Variants in GNG5 observed in about 807,000 individuals in gnomAD.
GNG5 encodes guanine nucleotide-binding protein G(I)/G(S)/G(O) subunit gamma-5.
In GNG5, 2 loss-of-function variants were observed where a neutral mutation model predicts 6.2. The observed-to-expected ratio is 0.32, with a 90% CI of 0.13 to 1.01. The LOEUF (loss-of-function observed/expected upper bound fraction) is 1.01, where lower values mean the gene tolerates loss of function less well. GNG5 is among the 50% of genes least tolerant of loss of function. The probability of loss-of-function intolerance (pLI) is 0.48; values close to 1 mark genes in which losing one functional copy is unlikely to be tolerated. For synonymous variants in GNG5, 24 were observed against 33.0 expected (o/e 0.73, Z 0.93); for missense variants, 57 against 80.2 (o/e 0.71, Z 1.10).
rs776848479 is a variant in GNG5, at chr1:84,501,989, G to A, written c.82-19C>T. 1.2e-5 allele frequency: 19 copies of A among 1,600,558 alleles called. No individual in the cohort carries two copies. The highest frequency in any genetic ancestry group is 1.5e-5 in the Non-Finnish European group (18 of 1,169,116). Reference sequence around the variant, plus strand: ...GGGAAACCTATACATAACAAAGAGGGGGGGAAGTGCCAGATGGTGAGAACA... The same window carrying A: ...GGGAAACCTATACATAACAAAGAGGAGGGGAAGTGCCAGATGGTGAGAACA... On this transcript the variant is annotated intron_variant, in intron 2 of 3. Coordinates refer to ENST00000370645, the MANE Select transcript of GNG5 (RefSeq NM_005274.3).
intron 3 of GNG5, 102 bp downstream of exon 3, chr1:84,501,724 C>T (rs756752294): frequency 4.4e-6 from 3 of 688,782 alleles, no homozygotes; most frequent in Non-Finnish European, 7.5e-6. Context: ...AAATGGAGGG[C>T]CAAAGGAAAG....
At chr1:84,499,140 TA>T (rs1682000924) in intron 3 of GNG5, among the ~76,000 whole-genome samples, 3 of 152,280 alleles carry the variant, frequency 2.0e-5, no homozygotes, top group Admixed American at 1.3e-4. Flanking sequence ...CTAAAAGATT[TA>T]AAAAATGAAA....
chr1:84,502,580 CTTA>C (rs1351717516), intron 2 of GNG5, among the ~76,000 whole-genome samples: 6 of 152,160 alleles, frequency 3.9e-5, no homozygotes, highest in African/African-American at 9.7e-5. Context: ...GCACATCTTG[CTTA>C]TTAATAATAG....
chr1:84,502,189 T>C (rs1314303861), intron 2 of GNG5, among the ~76,000 whole-genome samples: 1 of 141,182 alleles, frequency 7.1e-6, no homozygotes, highest in Non-Finnish European at 1.5e-5. Context: ...CAGGCTGGAG[T>C]ACAGTGGTGC....
chr1:84,498,995 C>G (rs187861452), intron 3 of GNG5, among the ~76,000 whole-genome samples: 89 of 152,108 alleles, frequency 5.9e-4, no homozygotes, highest in African/African-American at 1.9e-3. Flanking sequence ...ACTGAAACAG[C>G]CTAAATATAA....
intron 3 of GNG5, among the ~76,000 whole-genome samples, chr1:84,500,649 T>C (rs1277450667): frequency 6.6e-6 from 1 of 152,246 alleles, no homozygotes; most frequent in African/African-American, 2.4e-5. Flanking sequence ...GAATTACTTC[T>C]TCATGTGCAT....
intron 2 of GNG5, among the ~76,000 whole-genome samples, 168 bp downstream of exon 2, chr1:84,505,843 G>T (rs1682187159): frequency 6.6e-6 from 1 of 152,206 alleles, no homozygotes; most frequent in Non-Finnish European, 1.5e-5. Context: ...AGACCCACGC[G>T]GCGCCTGCTC....
At chr1:84,503,492 G>C in intron 2 of GNG5, among the ~76,000 whole-genome samples, 1 of 152,122 alleles carries the variant, frequency 6.6e-6, no homozygotes, top group East Asian at 1.9e-4. Context: ...CTATGTAAAA[G>C]AAGTATTTTT....
At chr1:84,500,528 A>C (rs180984722) in intron 3 of GNG5, among the ~76,000 whole-genome samples, 34 of 152,370 alleles carry the variant, frequency 2.2e-4, no homozygotes, top group Admixed American at 1.8e-3. Context: ...GGTTAAAAAA[A>C]CAATCATTAA....
intron 2 of GNG5, 27 bp from the exon 3 acceptor site, chr1:84,501,997 T>C (rs1472666404): frequency 1.3e-6 from 2 of 1,583,512 alleles, no homozygotes; most frequent in South Asian, 1.1e-5. Context: ...GGGGGGGAAG[T>C]GCCAGATGGT....
In GNG5 at chr1:84,501,912, G is replaced by C. The variant is rs1183705024; in HGVS notation, c.140C>G (p.Pro47Arg). ...ACTTGAAGATACTCCAGTCAGCAGA[G>C]GGTCATGTTGAGCATTCTGCAGACA... ...QFCLQNAQHDPLLTGVSSSTN... is the reference protein window; with the variant it reads ...QFCLQNAQHDRLLTGVSSSTN... Residue 47 changes from proline (P) to arginine (R), a missense_variant, in exon 3 of 4, where the codon CCT (proline) becomes CGT (arginine). Pro to Arg is a moderately radical substitution (Grantham distance 103). Transcript: ENST00000370645. 1.9e-6 allele frequency: 3 copies of C among 1,602,630 alleles called. No homozygotes were observed. In the African/African-American group the frequency reaches 4.0e-5, roughly 21 times the overall value.
chr1:84,504,334 A>G (rs1442612786), intron 2 of GNG5, among the ~76,000 whole-genome samples: 1 of 151,824 alleles, frequency 6.6e-6, no homozygotes, highest in African/African-American at 2.4e-5. Flanking sequence ...ATCAGGCAAT[A>G]ACTCCAAAAC....
chr1:84,499,494 T>C (rs1400827861), intron 3 of GNG5, among the ~76,000 whole-genome samples: 4 of 152,222 alleles, frequency 2.6e-5, no homozygotes, highest in Admixed American at 6.5e-5. Flanking sequence ...TAAGTATATA[T>C]AGATGTTCAC....
rs375169767 is a variant in GNG5 at position 84,506,100 on chromosome 1, C to T, written c.-9G>A. ...CTGGAGGAGCCAGACATGGTGCACG[C>T]GACGGCCGGGCCGATTCGTGGGTCG... On this transcript the variant is annotated 5_prime_UTR_variant, in exon 2 of 4. Coordinates refer to ENST00000370645, the MANE Select transcript of GNG5 (RefSeq NM_005274.3). The T allele has an allele frequency of 5.1e-6, 8 of 1,571,692 alleles. No homozygotes were observed. The highest frequency in any genetic ancestry group is 1.8e-5 in the Admixed American group (1 of 55,010).
At chr1:84,502,405 T>G (rs943059916) in intron 2 of GNG5, among the ~76,000 whole-genome samples, 2 of 152,160 alleles carry the variant, frequency 1.3e-5, no homozygotes, top group African/African-American at 2.4e-5. Flanking sequence ...GTGCTGAGAT[T>G]ACAGGTGTGA....
At chr1:84,501,394 G>C (rs1386902380) in intron 3 of GNG5, among the ~76,000 whole-genome samples, 1 of 152,150 alleles carries the variant, frequency 6.6e-6, no homozygotes, top group African/African-American at 2.4e-5. Context: ...ATAACATCAA[G>C]AGTTAATCCA....
intron 3 of GNG5, among the ~76,000 whole-genome samples, chr1:84,500,368 T>A (rs1046192939): frequency 1.3e-5 from 2 of 152,248 alleles, no homozygotes; most frequent in African/African-American, 4.8e-5. Flanking sequence ...TTATTTTACC[T>A]TCTGGGTTCT....
intron 3 of GNG5, among the ~76,000 whole-genome samples, chr1:84,499,621 G>GT (rs1682012749): frequency 2.0e-5 from 3 of 152,106 alleles, no homozygotes; most frequent in Admixed American, 1.3e-4. Context: ...AGTATTTAAT[G>GT]AAATAAATTC....
At chr1:84,501,730 G>T in intron 3 of GNG5, 96 bp downstream of exon 3, 2 of 712,874 alleles carry the variant, frequency 2.8e-6, no homozygotes. Flanking sequence ...AGGGCCAAAG[G>T]AAAGGGCATG....
Sources: allele counts gnomAD v4.1 joint callset (sites outside exome capture counted in the v4.1 genomes callset), GRCh38; gene constraint gnomAD v4.1.1; transcripts MANE v1.5; gene names NCBI Gene and HGNC (gene_info 2026-07-23, HGNC 2026-07-21).